Variants in UMAD1 observed in about 807,000 individuals in gnomAD.
UMAD1 encodes UBAP1-MVB12-associated (UMA) domain containing 1, also known as UBAP1-MVB12-associated (UMA)-domain containing protein 1.
Under a neutral mutation model 6.1 loss-of-function variants are expected in UMAD1, and 8 were observed. That is an observed-to-expected ratio of 1.30 (90% CI 0.76 to 2.35). The LOEUF (loss-of-function observed/expected upper bound fraction) is 2.35. Ranked by LOEUF, UMAD1 falls within the 30% of genes most tolerant of loss-of-function variation. UMAD1 has a pLI of 0.00. For missense variants in UMAD1, 130 were observed against 78.4 expected, an observed-to-expected ratio of 1.66 and a Z score of -2.49; for synonymous variants, 56 against 31.4, an observed-to-expected ratio of 1.78 and a Z score of -2.61.
At chr7:7,817,250 C>T (rs753151759) in intron 3 of UMAD1, among the ~76,000 whole-genome samples, 16 of 152,184 alleles carry the variant, frequency 1.1e-4, no homozygotes, top group Non-Finnish European at 2.2e-4. Flanking sequence ...GGTCCCTTAA[C>T]ACCTTGTACA....
At chr7:7,659,393 C>T (rs188259266) in intron 1 of UMAD1, among the ~76,000 whole-genome samples, 146 of 152,044 alleles carry the variant, frequency 9.6e-4, no homozygotes, top group African/African-American at 3.2e-3. Flanking sequence ...TTAATTATGA[C>T]GTTAGGGTGT....
chr7:7,835,678 CA>C (rs1414721949), intron 3 of UMAD1, among the ~76,000 whole-genome samples: 1 of 151,514 alleles, frequency 6.6e-6, no homozygotes, highest in Non-Finnish European at 1.5e-5. Context: ...CTTTAAGTAG[CA>C]GTGGAGATTA....
chr7:7,707,967 T>G (rs188405759), intron 2 of UMAD1, among the ~76,000 whole-genome samples: 10 of 152,344 alleles, frequency 6.6e-5, no homozygotes, highest in Admixed American at 3.3e-4. Context: ...AAGGTCCTGC[T>G]TTTGATCCTT....
intron 2 of UMAD1, chr7:7,742,556 G>C: frequency 1.9e-6 from 1 of 519,544 alleles, no homozygotes; most frequent in South Asian, 1.4e-5. Context: ...TTCGCTTTCG[G>C]CGCCATCTTG....
At chr7:7,674,168 C>A (rs1194837682) in intron 2 of UMAD1, among the ~76,000 whole-genome samples, 1 of 152,174 alleles carries the variant, frequency 6.6e-6, no homozygotes, top group Non-Finnish European at 1.5e-5. Flanking sequence ...CCATGCTGGA[C>A]CTCCTCCCAC....
chr7:7,781,217 G>T (rs1782337540), intron 2 of UMAD1, among the ~76,000 whole-genome samples: 1 of 152,080 alleles, frequency 6.6e-6, no homozygotes, highest in Non-Finnish European at 1.5e-5. Flanking sequence ...AATCCTAGAA[G>T]CTGAGTTTTC....
intron 3 of UMAD1, among the ~76,000 whole-genome samples, chr7:7,858,600 G>A (rs969326608): frequency 6.6e-6 from 1 of 152,126 alleles, no homozygotes; most frequent in African/African-American, 2.4e-5. Context: ...TAATCATCTG[G>A]GTCCTAGAGA....
At chr7:7,741,883 T>C (rs1781475652) in intron 2 of UMAD1, 2 of 206,760 alleles carry the variant, frequency 9.7e-6, no homozygotes, top group Admixed American at 5.3e-5. Context: ...AAAAATAAAG[T>C]CATTTTTTAC....
chr7:7,838,782 C>T (rs73674542), intron 3 of UMAD1, among the ~76,000 whole-genome samples: 305 of 152,320 alleles, frequency 2.0e-3, no homozygotes, highest in African/African-American at 6.9e-3. Flanking sequence ...AAAACTGCTT[C>T]ACATAGCAGT....
chr7:7,836,683 G>GA (rs1335714044), intron 3 of UMAD1, among the ~76,000 whole-genome samples: 1 of 151,710 alleles, frequency 6.6e-6, no homozygotes, highest in African/African-American at 2.4e-5. Flanking sequence ...GTGTATTTGG[G>GA]AAAAAATAGA....
chr7:7,835,825 T>C (rs556996190), intron 3 of UMAD1, among the ~76,000 whole-genome samples: 2 of 152,202 alleles, frequency 1.3e-5, no homozygotes, highest in South Asian at 4.1e-4. Context: ...ATTTAGTTTT[T>C]AGTTCCATTT....
At chr7:7,721,097 C>T (rs1291515986) in intron 2 of UMAD1, among the ~76,000 whole-genome samples, 1 of 152,098 alleles carries the variant, frequency 6.6e-6, no homozygotes, top group Non-Finnish European at 1.5e-5. Flanking sequence ...TTGCAAGAAA[C>T]CACCAGAGCT....
intron 3 of UMAD1, among the ~76,000 whole-genome samples, chr7:7,833,547 A>G (rs1030135709): frequency 5.3e-5 from 8 of 152,170 alleles, no homozygotes; most frequent in African/African-American, 1.9e-4. Flanking sequence ...ATGACTGGGA[A>G]GAAAGAGGTA....
At chr7:7,876,749 A>T (rs994505370) in intron 3 of UMAD1, among the ~76,000 whole-genome samples, 1 of 152,236 alleles carries the variant, frequency 6.6e-6, no homozygotes, top group Admixed American at 6.5e-5. Flanking sequence ...AAATACAAAG[A>T]TATGCCAGAT....
chr7:7,811,097 G>A (rs1387883284), intron 3 of UMAD1, among the ~76,000 whole-genome samples: 1 of 152,094 alleles, frequency 6.6e-6, no homozygotes, highest in Non-Finnish European at 1.5e-5. Flanking sequence ...AAGTGTATGG[G>A]TTACTGGCTT....
At chr7:7,780,087 C>G (rs1308585879) in intron 2 of UMAD1, among the ~76,000 whole-genome samples, 3 of 152,144 alleles carry the variant, frequency 2.0e-5, no homozygotes, top group Admixed American at 6.5e-5. Flanking sequence ...CATTATTGTT[C>G]TTTTTCTGTA....
intron 2 of UMAD1, chr7:7,739,109 A>G (rs1295443124): frequency 6.6e-6 from 1 of 152,242 alleles, no homozygotes. Context: ...AGTGTCACTT[A>G]ATTGTTACCT....
At chr7:7,676,752 G>T (rs1779750814) in intron 2 of UMAD1, among the ~76,000 whole-genome samples, 2 of 152,072 alleles carry the variant, frequency 1.3e-5, no homozygotes, top group African/African-American at 4.8e-5. Flanking sequence ...GTTGAAATTG[G>T]AAGTTGGTAT....
At chr7:7,704,179 G>A (rs1220522652) in intron 2 of UMAD1, among the ~76,000 whole-genome samples, 2 of 152,118 alleles carry the variant, frequency 1.3e-5, no homozygotes, top group African/African-American at 2.4e-5. Flanking sequence ...ACTGTTTTCT[G>A]TTGAGCTAGA....
Sources: allele counts gnomAD v4.1 joint callset (sites outside exome capture counted in the v4.1 genomes callset), GRCh38; gene constraint gnomAD v4.1.1; transcripts MANE v1.5; gene names NCBI Gene and HGNC (gene_info 2026-07-23, HGNC 2026-07-21).